Variants in ITPRIP observed in about 807,000 individuals in gnomAD.
The protein encoded by ITPRIP is inositol 1,4,5-trisphosphate receptor-interacting protein.
In ITPRIP, 32 loss-of-function variants were observed where a neutral mutation model predicts 35.8. That is an observed-to-expected ratio of 0.89 (90% CI 0.68 to 1.20). ITPRIP has a LOEUF of 1.20. Among genes scored for constraint, ITPRIP ranks in the 50% most tolerant of loss-of-function variants. The pLI is 0.00. For missense variants in ITPRIP, 653 were observed against 735.6 expected, an observed-to-expected ratio of 0.89 and a Z score of 1.30; for synonymous variants, 358 against 324.0, an observed-to-expected ratio of 1.11 and a Z score of -1.13.
At chr10:104,325,565 C>A (rs932829519) in intron 1 of ITPRIP, among the ~76,000 whole-genome samples, 1 of 152,218 alleles carries the variant, frequency 6.6e-6, no homozygotes, top group Non-Finnish European at 1.5e-5. Context: ...GATTTTCTTC[C>A]TTCCCCATGG....
chr10:104,320,618 A>G (rs1038921210), intron 1 of ITPRIP, among the ~76,000 whole-genome samples: 2 of 150,670 alleles, frequency 1.3e-5, no homozygotes, highest in Non-Finnish European at 2.9e-5. Context: ...GCTTACTGCA[A>G]CCTCTGCCTC....
chr10:104,314,703 T>A lies in ITPRIP; in HGVS notation c.1349A>T (p.Lys450Met). 1 of 1,613,818 alleles carries A rather than the reference T, an allele frequency of 6.2e-7. No individual in the cohort carries two copies. Among genetic ancestry groups the A allele is most frequent in the Non-Finnish European group, 8.5e-7 (1 of 1,179,852 alleles). Residue 450 changes from lysine (K) to methionine (M), a missense_variant, in exon 2 of 2, where the codon AAG (lysine) becomes ATG (methionine). By Grantham distance (95) the Lys-to-Met change is moderately conservative. Coordinates refer to ENST00000337478, the MANE Select transcript of ITPRIP (RefSeq NM_001272013.2). ...CAGACGAGCGTCCAGCTGCCCCGCC[T>A]TCCAGTCGGCGGCCTGCCGGAGGAG... ...LLLLRQAADWKAGQLDARLHE... is the reference protein window; with the variant it reads ...LLLLRQAADWMAGQLDARLHE...
At chr10:104,325,445 C>T (rs1478059306) in intron 1 of ITPRIP, among the ~76,000 whole-genome samples, 1 of 152,170 alleles carries the variant, frequency 6.6e-6, no homozygotes, top group Admixed American at 6.5e-5. Flanking sequence ...TGATTACTCC[C>T]GTGTCTCCTC....
chr10:104,320,509 C>T (rs2013817669), intron 1 of ITPRIP, among the ~76,000 whole-genome samples: 1 of 151,920 alleles, frequency 6.6e-6, no homozygotes, highest in East Asian at 1.9e-4. Context: ...ATTCCTTACA[C>T]ATGCATTGAT....
intron 1 of ITPRIP, among the ~76,000 whole-genome samples, chr10:104,332,996 G>A (rs1178281619): frequency 2.0e-5 from 3 of 152,212 alleles, no homozygotes; most frequent in African/African-American, 2.4e-5. Context: ...ATGGCTGCTC[G>A]ATCAATGAAG....
In ITPRIP at chr10:104,328,093, A is replaced by G. The variant is rs76932696; in HGVS notation, c.-14+10153T>C. 1.8e-3 allele frequency among the ~76,000 whole-genome samples: 275 copies of G among 152,278 alleles called. 2 individuals carry two copies. In the South Asian group the frequency reaches 0.025, roughly 14 times the overall value. On this transcript the variant is annotated intron_variant, in intron 1 of 1. Transcript: ENST00000337478. This position sits in a 1 kb window ranked among gnomAD's most constrained non-coding sequence, Gnocchi z 4.1. ...ATGCACTGGAGGCACCACTTTCACA[A>G]GACAGTTCCCCACAAATGCCCACCA...
chr10:104,315,215 G>A lies in ITPRIP; in HGVS notation c.837C>T (p.Pro279=). 1 of 1,614,030 alleles carries A rather than the reference G, an allele frequency of 6.2e-7. No homozygotes were observed. Among genetic ancestry groups the A allele is most frequent in the South Asian group, 1.1e-5 (1 of 91,056 alleles). The change falls in exon 2 of 2, where the codon CCC becomes CCT. Residue 279 remains proline (P), a synonymous_variant. Transcript: ENST00000337478. The surrounding 1 kb of genome is among the most constrained non-coding windows in gnomAD (Gnocchi z 5.7). ...LLHGRNSMAP[P]CGDMENLLCA... ...ACAGCAGGTTCTCCATGTCGCCGCA[G>A]GGAGGCGCCATGCTGTTCCTGCCGT...
In ITPRIP at chr10:104,317,488, G is replaced by C. The variant is rs183659717; in HGVS notation, c.-13-1424C>G. 1.1e-3 allele frequency among the ~76,000 whole-genome samples: 167 copies of C among 152,230 alleles called. 1 individual carries two copies. Among genetic ancestry groups the C allele is most frequent in the Non-Finnish European group, 1.9e-3 (128 of 68,018 alleles). ...AAAAATCTGAGAGGCACTGTCTTAC[G>C]CTGCAAGACTTAGTTACACCCTCTC... is the stretch of plus-strand genomic sequence containing the variant. On this transcript the variant is annotated intron_variant, in intron 1 of 1. Coordinates refer to ENST00000337478, the MANE Select transcript of ITPRIP (RefSeq NM_001272013.2).
chr10:104,325,783 G>A (rs981431919), intron 1 of ITPRIP, among the ~76,000 whole-genome samples: 4 of 152,204 alleles, frequency 2.6e-5, no homozygotes, highest in African/African-American at 7.2e-5. Context: ...ATGGTGCTGC[G>A]CTAAGAAGCG....
Position 104,315,221 on chromosome 10 carries a change from C to T in ITPRIP, c.831G>A (p.Ala277=), listed in dbSNP as rs777486956. The T allele has an allele frequency of 6.2e-6, 10 of 1,613,730 alleles. No individual in the cohort carries two copies. The highest frequency in any genetic ancestry group is 3.3e-5 in the South Asian group (3 of 91,050). ...GGTTCTCCATGTCGCCGCAGGGAGG[C>T]GCCATGCTGTTCCTGCCGTGCAGGA... is the stretch of plus-strand genomic sequence containing the variant. ...LCLLHGRNSM[A]PPCGDMENLL... Residue 277 remains alanine, a synonymous_variant, in exon 2 of 2, where the codon GCG becomes GCA. Transcript: ENST00000337478. The surrounding 1 kb of genome is among the most constrained non-coding windows in gnomAD (Gnocchi z 5.7).
At chr10:104,325,376 T>A (rs1346528795) in intron 1 of ITPRIP, among the ~76,000 whole-genome samples, 1 of 152,100 alleles carries the variant, frequency 6.6e-6, no homozygotes, top group Admixed American at 6.5e-5. Context: ...ACCCACTATT[T>A]CCTCTGAGTC....
rs893499501 is a variant in ITPRIP, at chr10:104,310,047, G to C, written c.*4361C>G. The C allele has an allele frequency of 6.6e-6, 1 of 152,228 alleles. No homozygotes were observed. Among genetic ancestry groups the C allele is most frequent in the Non-Finnish European group, 1.5e-5 (1 of 68,048 alleles). 9.4% of individuals were successfully genotyped at this position (152,228 alleles called of 1,614,324 possible). A position where few individuals can be genotyped will look rare whatever the true frequency, so the allele number is the denominator to read the frequency against. On this transcript the variant is annotated 3_prime_UTR_variant, in exon 2 of 2. Coordinates refer to ENST00000337478, the MANE Select transcript of ITPRIP (RefSeq NM_001272013.2). ...GGGGCAAGGCAGAGTGGGGCGGAGAGGGAGGGCCCTGTTGAAGGCACACAT... is the reference window on the plus strand; with the variant it reads ...GGGGCAAGGCAGAGTGGGGCGGAGACGGAGGGCCCTGTTGAAGGCACACAT...
At chr10:104,336,995 T>C (rs901979448) in intron 1 of ITPRIP, among the ~76,000 whole-genome samples, 9 of 152,210 alleles carry the variant, frequency 5.9e-5, no homozygotes, top group South Asian at 2.1e-4. Context: ...TACCCACAAG[T>C]GGAGAAAATC....
At chr10:104,324,423 A>C (rs2013935326) in intron 1 of ITPRIP, among the ~76,000 whole-genome samples, 1 of 152,180 alleles carries the variant, frequency 6.6e-6, no homozygotes, top group Non-Finnish European at 1.5e-5. Context: ...AGGAAAGAGG[A>C]AGGAAGAGGA....
Position 104,315,317 on chromosome 10 carries a change from C to T in ITPRIP, c.735G>A (p.Val245=). The change falls in exon 2 of 2, where the codon GTG becomes GTA. Residue 245 remains valine (V), a synonymous_variant. Coordinates refer to ENST00000337478, the MANE Select transcript of ITPRIP (RefSeq NM_001272013.2). This position sits in a 1 kb window ranked among gnomAD's most constrained non-coding sequence, Gnocchi z 5.7. ...LDRQGYGQIK[V]VRADGDTLSC... Reference sequence around the variant, plus strand: ...TCAATGTGTCCCCATCGGCGCGGACCACCTTGATCTGGCCGTAGCCCTGGC... The same window carrying T: ...TCAATGTGTCCCCATCGGCGCGGACTACCTTGATCTGGCCGTAGCCCTGGC... 6.4e-7 allele frequency: 1 copy of T among 1,572,688 alleles called. No homozygotes were observed. The highest frequency in any genetic ancestry group is 8.6e-7 in the Non-Finnish European group (1 of 1,156,186).
intron 1 of ITPRIP, among the ~76,000 whole-genome samples, chr10:104,331,110 G>GCC (rs1183888879): frequency 6.6e-6 from 1 of 152,232 alleles, no homozygotes; most frequent in Non-Finnish European, 1.5e-5. Context: ...GGAATGGAAA[G>GCC]CCTTCTCTGC....
chr10:104,312,576 G>C lies in ITPRIP; in HGVS notation c.*1832C>G, dbSNP rs1166529350. The C allele has an allele frequency of 1.0e-6, 1 of 974,880 alleles. No homozygotes were observed. Among genetic ancestry groups the C allele is most frequent in the African/African-American group, 1.8e-5 (1 of 57,030 alleles). 60.4% of individuals were successfully genotyped at this position (974,880 alleles called of 1,614,324 possible). On this transcript the variant is annotated 3_prime_UTR_variant, in exon 2 of 2. Coordinates refer to ENST00000337478, the MANE Select transcript of ITPRIP (RefSeq NM_001272013.2). ...CACTTGAGCTGGTTCATTCCCTGGA[G>C]TGCCCCGCAACTGCGTCTAGGGAGA...
At chr10:104,319,312 A>T (rs1819659466) in intron 1 of ITPRIP, among the ~76,000 whole-genome samples, 1 of 152,220 alleles carries the variant, frequency 6.6e-6, no homozygotes, top group South Asian at 2.1e-4. Context: ...TCTCCTCAGC[A>T]TCTACAGGCT....
At chr10:104,335,939 A>G (rs1475797402) in intron 1 of ITPRIP, among the ~76,000 whole-genome samples, 6 of 152,032 alleles carry the variant, frequency 3.9e-5, no homozygotes, top group Non-Finnish European at 4.4e-5. Flanking sequence ...GGGGAAAAAA[A>G]AAAAAAGCCT....
Sources: allele counts gnomAD v4.1 joint callset (sites outside exome capture counted in the v4.1 genomes callset), GRCh38; gene constraint gnomAD v4.1.1; non-coding constraint Gnocchi (gnomAD v3.1); transcripts MANE v1.5; gene names NCBI Gene and HGNC (gene_info 2026-07-23, HGNC 2026-07-21).